The following GATAD2A variants were observed in gnomAD, a reference collection of about 807,000 sequenced individuals.
The protein encoded by GATAD2A is transcriptional repressor p66-alpha.
GATAD2A carries 12 observed loss-of-function variants against 68.5 expected under a neutral mutation model. That is an observed-to-expected ratio of 0.18 (90% CI 0.11 to 0.28). GATAD2A has a LOEUF of 0.28. Ranked by LOEUF, GATAD2A falls within the 10% of genes least tolerant of loss-of-function variation. The probability of loss-of-function intolerance (pLI) is 1.00; values close to 1 mark genes in which losing one functional copy is unlikely to be tolerated. For synonymous variants in GATAD2A, 410 were observed against 375.3 expected (o/e 1.09, Z -1.07); for missense variants, 755 against 868.5 (o/e 0.87, Z 1.64).
intron 1 of GATAD2A, chr19:19,435,050 G>A: frequency 1.9e-6 from 1 of 527,700 alleles, no homozygotes; most frequent in Non-Finnish European, 3.9e-6. Flanking sequence ...CCTGCGTGCT[G>A]CCTGTGTGCT....
intron 1 of GATAD2A, among the ~76,000 whole-genome samples, chr19:19,433,188 C>G (rs1265187215): frequency 6.6e-6 from 1 of 152,160 alleles, no homozygotes; most frequent in African/African-American, 2.4e-5. Flanking sequence ...CCTCCACCAC[C>G]CCCCTGCCCC....
chr19:19,424,806 T>G (rs2052873213), intron 1 of GATAD2A, among the ~76,000 whole-genome samples: 1 of 152,036 alleles, frequency 6.6e-6, no homozygotes, highest in African/African-American at 2.4e-5. Context: ...AGGTTAGGTG[T>G]TGTTCCTGCT....
chr19:19,502,516 C>A lies in GATAD2A; in HGVS notation c.1764C>A (p.Pro588=). 1 of 1,610,468 alleles carries A rather than the reference C, an allele frequency of 6.2e-7. No individual in the cohort carries two copies. Among genetic ancestry groups the A allele is most frequent in the South Asian group, 1.1e-5 (1 of 90,682 alleles). ...GSATSNWKKT[P]LSTGGTLAFV... ...CCACCTCCAACTGGAAGAAGACGCCCCTCAGCACAGGTGGGTGACCTCCAC... is the reference window on the plus strand; with the variant it reads ...CCACCTCCAACTGGAAGAAGACGCCACTCAGCACAGGTGGGTGACCTCCAC... Residue 588 remains proline, a synonymous_variant, in exon 11 of 12, where the codon CCC becomes CCA. Coordinates refer to ENST00000683918, the MANE Select transcript of GATAD2A (RefSeq NM_001384528.1).
At chr19:19,423,964 C>T (rs970915363) in intron 1 of GATAD2A, among the ~76,000 whole-genome samples, 4 of 152,122 alleles carry the variant, frequency 2.6e-5, no homozygotes, top group African/African-American at 9.7e-5. Flanking sequence ...GCTCTGTCAT[C>T]CTGGCTGGAG....
At chr19:19,387,049 G>C (rs2048485886) in intron 1 of GATAD2A, among the ~76,000 whole-genome samples, 2 of 152,060 alleles carry the variant, frequency 1.3e-5, no homozygotes, top group African/African-American at 4.8e-5. Context: ...GAGACCCTCT[G>C]CCTCTCTGAG....
At chr19:19,460,851 C>T (rs1416839103) in intron 1 of GATAD2A, among the ~76,000 whole-genome samples, 1 of 152,218 alleles carries the variant, frequency 6.6e-6, no homozygotes, top group Admixed American at 6.5e-5. Context: ...TCCCCTCCGG[C>T]CTGGGCCAGT....
intron 2 of GATAD2A, among the ~76,000 whole-genome samples, chr19:19,481,356 G>A (rs529003263): frequency 9.4e-4 from 143 of 152,236 alleles, no homozygotes; most frequent in Non-Finnish European, 1.9e-3. Flanking sequence ...TAAAAGACAG[G>A]GTCTTGCTCT....
In GATAD2A at chr19:19,505,481, C is replaced by T; in HGVS notation, c.*7C>T. 1 of 1,575,160 alleles carries T rather than the reference C, an allele frequency of 6.3e-7. No homozygotes were observed. Among genetic ancestry groups the T allele is most frequent in the African/African-American group, 1.4e-5 (1 of 73,122 alleles). On this transcript the variant is annotated 3_prime_UTR_variant, in exon 12 of 12. Coordinates refer to ENST00000683918, the MANE Select transcript of GATAD2A (RefSeq NM_001384528.1). ...GTCAGCCACGTGGAAATAGTGCGAG[C>T]CAGGCCCCGTGGAAGACGGGCTCCC...
At chr19:19,468,349 A>G (rs2058033716) in intron 2 of GATAD2A, among the ~76,000 whole-genome samples, 1 of 152,224 alleles carries the variant, frequency 6.6e-6, no homozygotes, top group South Asian at 2.1e-4. Flanking sequence ...GAGATGGGCA[A>G]GTGGGGAGAC....
chr19:19,442,603 G>A (rs1201379786), intron 1 of GATAD2A, among the ~76,000 whole-genome samples: 2 of 152,070 alleles, frequency 1.3e-5, no homozygotes, highest in Non-Finnish European at 2.9e-5. Context: ...ACTCCAGTCT[G>A]GGCAACAGAG....
chr19:19,440,901 C>T (rs1292191098), intron 1 of GATAD2A, among the ~76,000 whole-genome samples: 2 of 151,304 alleles, frequency 1.3e-5, no homozygotes, highest in East Asian at 3.9e-4. Context: ...TTCTTTCCTT[C>T]CCTTCCTTTC....
At chr19:19,474,907 C>T (rs190149543) in intron 2 of GATAD2A, among the ~76,000 whole-genome samples, 88 of 152,350 alleles carry the variant, frequency 5.8e-4, no homozygotes, top group Admixed American at 5.4e-3. Flanking sequence ...TTGGCCTACA[C>T]GTGTGGCTCT....
intron 2 of GATAD2A, among the ~76,000 whole-genome samples, chr19:19,467,401 C>A (rs939670696): frequency 1.3e-5 from 2 of 151,956 alleles, no homozygotes; most frequent in Non-Finnish European, 2.9e-5. Context: ...TTGCTAGCAC[C>A]TCTGAAGCCC....
intron 4 of GATAD2A, among the ~76,000 whole-genome samples, chr19:19,494,041 G>A (rs2148413039): frequency 1.3e-5 from 2 of 152,268 alleles, no homozygotes; most frequent in East Asian, 3.9e-4. Flanking sequence ...GGGTGTCAGG[G>A]AGCAGCCAAG....
chr19:19,399,058 C>CA (rs1212742307), intron 1 of GATAD2A, among the ~76,000 whole-genome samples: 6 of 146,396 alleles, frequency 4.1e-5, no homozygotes, highest in East Asian at 2.0e-4. Context: ...GACTCCGTCT[C>CA]AAAAAAAAAG....
At chr19:19,430,641 C>A (rs532483037) in intron 1 of GATAD2A, among the ~76,000 whole-genome samples, 1 of 152,174 alleles carries the variant, frequency 6.6e-6, no homozygotes, top group South Asian at 2.1e-4. Flanking sequence ...GACAACGGGG[C>A]TTCCTAGGGG....
chr19:19,391,523 G>T (rs1011326879), intron 1 of GATAD2A, among the ~76,000 whole-genome samples: 1 of 152,050 alleles, frequency 6.6e-6, no homozygotes, highest in Admixed American at 6.6e-5. Context: ...ACTTTAAAGG[G>T]ATCACTCTCC....
At chr19:19,394,695 C>T (rs551753119) in intron 1 of GATAD2A, among the ~76,000 whole-genome samples, 26 of 151,928 alleles carry the variant, frequency 1.7e-4, no homozygotes, top group African/African-American at 3.1e-4. Flanking sequence ...TCACCCACCT[C>T]GGTCTCCCAA....
At chr19:19,460,739 C>T (rs894882301) in intron 1 of GATAD2A, among the ~76,000 whole-genome samples, 5 of 152,210 alleles carry the variant, frequency 3.3e-5, no homozygotes, top group African/African-American at 1.2e-4. Context: ...GCCCCAACTC[C>T]CCTCTGCTCT....
Sources: allele counts gnomAD v4.1 joint callset (sites outside exome capture counted in the v4.1 genomes callset), GRCh38; gene constraint gnomAD v4.1.1; transcripts MANE v1.5; gene names NCBI Gene and HGNC (gene_info 2026-07-23, HGNC 2026-07-21).